SMIM36: variants seen among roughly 807,000 people sequenced by gnomAD.
SMIM36 encodes small integral membrane protein 36.
upstream of SMIM36, among the ~76,000 whole-genome samples, chr17:55,512,649 C>T (rs1255385842): frequency 6.6e-6 from 1 of 152,260 alleles, no homozygotes; most frequent in African/African-American, 2.4e-5. Flanking sequence ...ACGTTCCATT[C>T]TCAGAAAGAG....
chr17:55,506,026 G>C (rs868448386), intron 1 of SMIM36, among the ~76,000 whole-genome samples: 1,617 of 57,752 alleles, frequency 0.028, 121 homozygotes, highest in Middle Eastern at 0.039. Context: ...CAAGGGATGT[G>C]AAGGACCTCT....
At chr17:55,501,994 C>T (rs956255272) in intron 1 of SMIM36, among the ~76,000 whole-genome samples, 12 of 151,126 alleles carry the variant, frequency 7.9e-5, no homozygotes, top group African/African-American at 1.2e-4. Flanking sequence ...TCACTCCCAC[C>T]CGAATATTGC....
intron 1 of SMIM36, among the ~76,000 whole-genome samples, chr17:55,507,882 T>A (rs947290407): frequency 6.6e-6 from 1 of 152,200 alleles, no homozygotes; most frequent in Admixed American, 6.5e-5. Context: ...AGATGATTCC[T>A]CTTTCGTCAT....
chr17:55,526,842 T>A, the SMIM36 span: 81 of 152,298 alleles, frequency 5.3e-4, no homozygotes, highest in Middle Eastern at 6.8e-3. Context: ...TTCAAGGAAC[T>A]GTTTTCCCCT....
intron 4 of SMIM36, among the ~76,000 whole-genome samples, chr17:55,466,303 GA>G (rs1909236882): frequency 1.0e-5 from 1 of 99,382 alleles, no homozygotes; most frequent in South Asian, 3.1e-4. Flanking sequence ...AAAAAAAAAA[GA>G]AAGTGCCACA....
chr17:55,452,870 A>T (rs1347310694), intron 4 of SMIM36, among the ~76,000 whole-genome samples: 1 of 152,206 alleles, frequency 6.6e-6, no homozygotes. Flanking sequence ...TAAATTTTTT[A>T]AAAACCCAAC....
intron 3 of SMIM36, among the ~76,000 whole-genome samples, chr17:55,473,487 T>G (rs1224366926): frequency 1.3e-5 from 2 of 152,182 alleles, no homozygotes; most frequent in African/African-American, 4.8e-5. Flanking sequence ...CTACTTCTAT[T>G]CAATCTGACA....
the SMIM36 span, among the ~76,000 whole-genome samples, chr17:55,516,554 CTTTTTT>C: frequency 0.023 from 2,235 of 98,584 alleles, 32 homozygotes; most frequent in Middle Eastern, 0.095. Flanking sequence ...AACAGTCTTC[CTTTTTT>C]TTTTTTTTTT....
chr17:55,524,993 G>A, the SMIM36 span, among the ~76,000 whole-genome samples: 1 of 152,166 alleles, frequency 6.6e-6, no homozygotes, highest in Admixed American at 6.5e-5. Flanking sequence ...TTTTACAGAT[G>A]AGAAAACTGA....
At chr17:55,493,255 G>A (rs1598454890) in intron 1 of SMIM36, among the ~76,000 whole-genome samples, 2 of 152,168 alleles carry the variant, frequency 1.3e-5, no homozygotes, top group African/African-American at 4.8e-5. Context: ...TAGCCAAAAG[G>A]TCCTTGGCAT....
intron 1 of SMIM36, among the ~76,000 whole-genome samples, chr17:55,491,408 C>T (rs1014478701): frequency 3.9e-5 from 6 of 151,958 alleles, no homozygotes. Flanking sequence ...TTAAGTTTGC[C>T]TTAACAAATG....
At chr17:55,493,039 G>T (rs912779862) in intron 1 of SMIM36, among the ~76,000 whole-genome samples, 1 of 152,148 alleles carries the variant, frequency 6.6e-6, no homozygotes, top group African/African-American at 2.4e-5. Context: ...TTAGCAAATG[G>T]GGTGTGTGCA....
chr17:55,502,148 GGGGCGCCCGCCATTGCCCA>G, intron 1 of SMIM36, among the ~76,000 whole-genome samples: 1 of 150,072 alleles, frequency 6.7e-6, no homozygotes, highest in East Asian at 2.0e-4. Context: ...GGCTGGGGGA[GGGGCGCCCGCCATTGCCCA>G]GGCTTGCTTA....
intron 1 of SMIM36, among the ~76,000 whole-genome samples, chr17:55,480,449 G>C (rs893115698): frequency 3.9e-5 from 6 of 152,088 alleles, no homozygotes; most frequent in African/African-American, 1.4e-4. Flanking sequence ...CAATCTCCAG[G>C]CTGCTAAAGA....
At chr17:55,519,637 T>TAA in the SMIM36 span, among the ~76,000 whole-genome samples, 1 of 151,916 alleles carries the variant, frequency 6.6e-6, no homozygotes, top group Non-Finnish European at 1.5e-5. Flanking sequence ...TGAAATTGTC[T>TAA]AGAAGGACAA....
At chr17:55,510,702 T>G (rs1302139009) in intron 1 of SMIM36, among the ~76,000 whole-genome samples, 177 bp downstream of exon 1, 1 of 138,984 alleles carries the variant, frequency 7.2e-6, no homozygotes, top group Non-Finnish European at 1.5e-5. Context: ...CACACGCACG[T>G]GCACGTGCAC....
At chr17:55,475,373 T>C (rs1434597036) in intron 3 of SMIM36, among the ~76,000 whole-genome samples, 1 of 152,220 alleles carries the variant, frequency 6.6e-6, no homozygotes, top group African/African-American at 2.4e-5. Context: ...TATTTACTTT[T>C]ATACTCACTC....
At chr17:55,526,917 C>T in the SMIM36 span, 3 of 152,184 alleles carry the variant, frequency 2.0e-5, no homozygotes, top group African/African-American at 7.2e-5. Flanking sequence ...CACCAAGCCT[C>T]AGGGCTCAAC....
At chr17:55,478,188 C>A (rs1447748357) in intron 3 of SMIM36, among the ~76,000 whole-genome samples, 1 of 151,028 alleles carries the variant, frequency 6.6e-6, no homozygotes, top group Non-Finnish European at 1.5e-5. Flanking sequence ...GTCCCTCCTC[C>A]CCCCACCCAA....
Sources: allele counts gnomAD v4.1 joint callset (sites outside exome capture counted in the v4.1 genomes callset), GRCh38; gene constraint gnomAD v4.1.1; transcripts MANE v1.5; gene names NCBI Gene and HGNC (gene_info 2026-07-23, HGNC 2026-07-21).